SUMF1: variants seen among roughly 807,000 people sequenced by gnomAD.
SUMF1 encodes the protein sulfatase modifying factor 1, also known as formylglycine-generating enzyme.
SUMF1 carries 48 observed loss-of-function variants against 47.6 expected under a neutral mutation model. That is an observed-to-expected ratio of 1.01 (90% CI 0.80 to 1.28). The LOEUF (loss-of-function observed/expected upper bound fraction) is 1.28, where lower values mean the gene tolerates loss of function less well. SUMF1 is among the 50% of genes most tolerant of loss of function. The pLI is 0.00. For synonymous variants in SUMF1, 230 were observed against 192.1 expected (o/e 1.20, Z -1.63); for missense variants, 571 against 485.4 (o/e 1.18, Z -1.66).
chr3:4,402,190 A>G (rs1279552515), intron 7 of SUMF1, among the ~76,000 whole-genome samples: 1 of 152,222 alleles, frequency 6.6e-6, no homozygotes, highest in Non-Finnish European at 1.5e-5. Context: ...AAGTGGGGAA[A>G]GAAAGAAGAA....
rs577495774 is a variant in SUMF1, at chr3:4,068,474, T to G, written c.1191+95A>C. The stretch of plus-strand genomic sequence containing the variant: ...TAACACAATATGTTCAAAATATTAT[T>G]TCAACATGTAATCAATATAAAAATG... On this transcript the variant is annotated intron_variant and NMD_transcript_variant, in intron 9 of 12. Transcript: ENST00000448413. The G allele has an allele frequency of 8.2e-5, 15 of 182,786 alleles. No homozygotes were observed. In the East Asian group the frequency reaches 1.9e-3, roughly 24 times the overall value. 11.3% of individuals were successfully genotyped at this position (182,786 alleles called of 1,614,324 possible).
intron 8 of SUMF1, among the ~76,000 whole-genome samples, chr3:4,137,849 AAAG>A (rs758822930): frequency 1.1e-4 from 16 of 152,132 alleles, no homozygotes; most frequent in African/African-American, 2.4e-4. Context: ...CCAAATTGTA[AAAG>A]AAGAAGTACA....
At chr3:4,153,076 G>A (rs572092017) in intron 8 of SUMF1, among the ~76,000 whole-genome samples, 1 of 151,548 alleles carries the variant, frequency 6.6e-6, no homozygotes, top group East Asian at 1.9e-4. Context: ...CAAAGTTACA[G>A]CTACAATCAC....
rs556776366 is a variant in SUMF1, at chr3:4,248,557, C to T, written c.1014+127773G>A. ...GAGAAGCTTTAGACATAATTGAGGGCTTCTGCCACATCCCCCCTTGCATCA... is the reference window on the plus strand; with the variant it reads ...GAGAAGCTTTAGACATAATTGAGGGTTTCTGCCACATCCCCCCTTGCATCA... On this transcript the variant is annotated intron_variant and NMD_transcript_variant, in intron 8 of 12. Coordinates refer to the SUMF1 transcript ENST00000448413. Among the ~76,000 whole-genome samples, 24 of 152,266 alleles carry T rather than the reference C, an allele frequency of 1.6e-4. No homozygotes were observed. The South Asian group carries it at 3.5e-3, about 22-fold the overall frequency.
intron 8 of SUMF1, among the ~76,000 whole-genome samples, chr3:4,198,515 G>T (rs1402641944): frequency 1.3e-5 from 2 of 152,090 alleles, no homozygotes; most frequent in African/African-American, 4.8e-5. Flanking sequence ...TTAAAATGTG[G>T]TATGCTTTCA....
chr3:4,266,322 G>A (rs1697194380), intron 8 of SUMF1, among the ~76,000 whole-genome samples: 1 of 152,150 alleles, frequency 6.6e-6, no homozygotes, highest in Non-Finnish European at 1.5e-5. Flanking sequence ...ACCTTGGGCA[G>A]TATGGCCATT....
chr3:4,340,136 C>T (rs949638122), intron 8 of SUMF1, among the ~76,000 whole-genome samples: 2 of 152,076 alleles, frequency 1.3e-5, no homozygotes, highest in African/African-American at 2.4e-5. Context: ...AACACACACA[C>T]GCACTGCTTG....
intron 8 of SUMF1, among the ~76,000 whole-genome samples, chr3:4,256,330 G>A (rs879423186): frequency 4.8e-5 from 5 of 103,982 alleles, no homozygotes; most frequent in Non-Finnish European, 8.3e-5. Context: ...TCCAGGAGCT[G>A]GTTTTTTGAA....
intron 1 of SUMF1, among the ~76,000 whole-genome samples, chr3:4,464,546 G>A (rs4684417): frequency 0.082 from 12,489 of 152,120 alleles, 629 homozygotes; most frequent in East Asian, 0.22. Context: ...ATATAGTAAT[G>A]TGCCAAATAA....
intron 9 of SUMF1, among the ~76,000 whole-genome samples, chr3:4,060,604 G>A (rs1695261932): frequency 6.6e-6 from 1 of 152,132 alleles, no homozygotes; most frequent in African/African-American, 2.4e-5. Context: ...GAAGCAAGAT[G>A]TATGATTATT....
At chr3:4,078,264 C>G (rs922027628) in intron 8 of SUMF1, among the ~76,000 whole-genome samples, 1 of 152,038 alleles carries the variant, frequency 6.6e-6, no homozygotes, top group Non-Finnish European at 1.5e-5. Flanking sequence ...GCTGGCTTTC[C>G]AGACAATGAA....
At chr3:4,372,164 G>A (rs949828485) in intron 8 of SUMF1, among the ~76,000 whole-genome samples, 3 of 152,124 alleles carry the variant, frequency 2.0e-5, no homozygotes, top group Non-Finnish European at 2.9e-5. Context: ...AGCTGGGCGT[G>A]GTGGCACAAG....
intron 8 of SUMF1, among the ~76,000 whole-genome samples, chr3:4,131,430 T>C (rs868409704): frequency 6.6e-5 from 10 of 152,054 alleles, no homozygotes; most frequent in African/African-American, 2.4e-4. Flanking sequence ...GTCTGCACAA[T>C]ATGCAAGCAC....
intron 8 of SUMF1, among the ~76,000 whole-genome samples, chr3:4,074,978 T>C (rs1176550925): frequency 1.3e-5 from 2 of 152,088 alleles, no homozygotes; most frequent in African/African-American, 2.4e-5. Flanking sequence ...GAGGGAATCC[T>C]CCCTAACTCA....
intron 8 of SUMF1, among the ~76,000 whole-genome samples, chr3:4,151,474 T>C (rs575989067): frequency 5.5e-5 from 8 of 145,922 alleles, no homozygotes; most frequent in African/African-American, 1.3e-4. Flanking sequence ...TATGTATATA[T>C]GTATATATGT....
chr3:4,367,261 G>A (rs979591434), intron 8 of SUMF1, among the ~76,000 whole-genome samples: 7 of 152,154 alleles, frequency 4.6e-5, no homozygotes, highest in Admixed American at 4.6e-4. Context: ...CTGTCAGACA[G>A]GGACATTTAA....
intron 8 of SUMF1, among the ~76,000 whole-genome samples, chr3:4,178,247 A>T (rs1217993230): frequency 6.6e-6 from 1 of 152,188 alleles, no homozygotes; most frequent in Non-Finnish European, 1.5e-5. Context: ...AAAAAAGAGA[A>T]TGTTAGGCCA....
chr3:4,327,425 C>T (rs902689519), intron 8 of SUMF1, among the ~76,000 whole-genome samples: 5 of 151,946 alleles, frequency 3.3e-5, no homozygotes, highest in African/African-American at 4.8e-5. Flanking sequence ...TTTCTGTAGC[C>T]GACTATAAAC....
intron 8 of SUMF1, among the ~76,000 whole-genome samples, chr3:4,123,361 A>G (rs1035416574): frequency 1.3e-5 from 2 of 152,178 alleles, no homozygotes; most frequent in African/African-American, 4.8e-5. Flanking sequence ...CATATTCTGC[A>G]CACAGTGAAC....
Sources: allele counts gnomAD v4.1 joint callset (sites outside exome capture counted in the v4.1 genomes callset), GRCh38; gene constraint gnomAD v4.1.1; transcripts MANE v1.5; gene names NCBI Gene and HGNC (gene_info 2026-07-23, HGNC 2026-07-21).